Variants in CDH12 observed in about 807,000 individuals in gnomAD.
The protein encoded by CDH12 is cadherin-12.
In CDH12, 41 loss-of-function variants were observed where a neutral mutation model predicts 74.1. The observed-to-expected ratio is 0.55, with a 90% CI of 0.43 to 0.72. The LOEUF is 0.72. Among genes scored for constraint, CDH12 ranks in the 30% least tolerant of loss-of-function variants. The pLI is 0.00. For missense variants in CDH12, 945 were observed against 977.2 expected (o/e 0.97, Z 0.44); for synonymous variants, 399 against 355.0 (o/e 1.12, Z -1.39).
At chr5:21,863,329 C>T (rs1035813789) in intron 6 of CDH12, among the ~76,000 whole-genome samples, 1 of 152,104 alleles carries the variant, frequency 6.6e-6, no homozygotes. Context: ...CTTGTGTGAA[C>T]TCTTTCATTT....
intron 3 of CDH12, among the ~76,000 whole-genome samples, chr5:22,349,755 G>A (rs573196387): frequency 3.8e-4 from 58 of 151,864 alleles, no homozygotes; most frequent in African/African-American, 1.4e-3. Flanking sequence ...TTTTTTTTGA[G>A]ACGGAGTCTG....
chr5:22,159,640 T>G (rs115615831), intron 4 of CDH12, among the ~76,000 whole-genome samples: 179 of 152,302 alleles, frequency 1.2e-3, no homozygotes, highest in African/African-American at 4.2e-3. Context: ...TTGCACATAT[T>G]TAAATACTCA....
chr5:22,512,372 G>A (rs1241376312), intron 1 of CDH12, among the ~76,000 whole-genome samples: 4 of 152,132 alleles, frequency 2.6e-5, no homozygotes, highest in Admixed American at 2.6e-4. Flanking sequence ...TCACTGTGGG[G>A]TGGTGGTAAA....
At chr5:21,797,012 A>G (rs1476309157) in intron 10 of CDH12, among the ~76,000 whole-genome samples, 1 of 152,150 alleles carries the variant, frequency 6.6e-6, no homozygotes, top group Non-Finnish European at 1.5e-5. Context: ...CTAGTGCATC[A>G]AAAGGCGAAG....
intron 1 of CDH12, among the ~76,000 whole-genome samples, chr5:22,636,699 T>C (rs978204055): frequency 1.3e-5 from 2 of 152,218 alleles, no homozygotes; most frequent in African/African-American, 4.8e-5. Flanking sequence ...ATGGTTACTT[T>C]GGCAGAGGAA....
chr5:22,469,682 C>A (rs753790156), intron 2 of CDH12, among the ~76,000 whole-genome samples: 6 of 152,060 alleles, frequency 3.9e-5, no homozygotes, highest in African/African-American at 1.4e-4. Flanking sequence ...CAGTCATTTT[C>A]CAGTGTTATC....
intron 3 of CDH12, among the ~76,000 whole-genome samples, chr5:22,302,019 A>T (rs1242048258): frequency 6.6e-6 from 1 of 151,486 alleles, no homozygotes; most frequent in Non-Finnish European, 1.5e-5. Context: ...GGAGAGAGAG[A>T]GAGAGAGAGA....
intron 1 of CDH12, among the ~76,000 whole-genome samples, chr5:22,592,080 A>G (rs1001568788): frequency 6.6e-6 from 1 of 152,136 alleles, no homozygotes; most frequent in African/African-American, 2.4e-5. Context: ...TAAGCATTTC[A>G]CTTCTTGGAT....
chr5:22,529,186 TATAGAG>T (rs1212980101), intron 1 of CDH12, among the ~76,000 whole-genome samples: 4,207 of 69,510 alleles, frequency 0.061, 134 homozygotes, highest in East Asian at 0.17. Flanking sequence ...TATATATATA[TATAGAG>T]AGAGAGAGAG....
At chr5:22,844,011 T>C (rs1169664500) in intron 1 of CDH12, among the ~76,000 whole-genome samples, 1 of 152,056 alleles carries the variant, frequency 6.6e-6, no homozygotes, top group East Asian at 1.9e-4. Flanking sequence ...AATGGGAGTA[T>C]AATTATAAGG....
At chr5:22,705,130 T>TACATATAC (rs1554060408) in intron 1 of CDH12, among the ~76,000 whole-genome samples, 2 of 125,546 alleles carry the variant, frequency 1.6e-5, no homozygotes, top group Admixed American at 1.7e-4. Flanking sequence ...TATATATATA[T>TACATATAC]ACACACACAC....
intron 3 of CDH12, among the ~76,000 whole-genome samples, chr5:22,330,866 G>T (rs180832668): frequency 9.1e-4 from 139 of 152,130 alleles, no homozygotes; most frequent in African/African-American, 3.3e-3. Context: ...CTTGAGTCCA[G>T]GCATAGGCTC....
intron 4 of CDH12, among the ~76,000 whole-genome samples, chr5:22,203,984 A>G (rs968369841): frequency 2.5e-4 from 38 of 152,328 alleles, no homozygotes; most frequent in African/African-American, 8.7e-4. Flanking sequence ...ATCAAAATAA[A>G]AAGATTATTC....
chr5:22,041,634 C>A lies in CDH12; in HGVS notation c.231+36812G>T, dbSNP rs531366713. On this transcript the variant is annotated intron_variant, in intron 5 of 14. Coordinates refer to ENST00000382254, the MANE Select transcript of CDH12 (RefSeq NM_004061.5). ...AGAAGATGTAACAATTATATATGCACCTAACATCAGAGTGCCTAAATATAT... is the reference window on the plus strand; with the variant it reads ...AGAAGATGTAACAATTATATATGCAACTAACATCAGAGTGCCTAAATATAT... Among the ~76,000 whole-genome samples, 11 of 152,096 alleles carry A rather than the reference C, an allele frequency of 7.2e-5. No individual in the cohort carries two copies. The East Asian group carries it at 1.7e-3, about 24-fold the overall frequency.
intron 4 of CDH12, among the ~76,000 whole-genome samples, chr5:22,102,899 T>C (rs896455886): frequency 2.0e-5 from 3 of 152,008 alleles, no homozygotes; most frequent in African/African-American, 7.2e-5. Context: ...TCAGATGCCA[T>C]GAAATGAGCT....
chr5:22,194,821 A>T (rs1750530366), intron 4 of CDH12, among the ~76,000 whole-genome samples: 1 of 152,190 alleles, frequency 6.6e-6, no homozygotes, highest in Non-Finnish European at 1.5e-5. Flanking sequence ...TTTCACCCAG[A>T]GGAGCTGTGA....
At chr5:22,134,464 T>C (rs1266914300) in intron 4 of CDH12, among the ~76,000 whole-genome samples, 1 of 151,876 alleles carries the variant, frequency 6.6e-6, no homozygotes, top group Non-Finnish European at 1.5e-5. Flanking sequence ...AGGAATGTGA[T>C]AGGAACTTTT....
chr5:21,893,551 T>C (rs1221427431), intron 6 of CDH12, among the ~76,000 whole-genome samples: 3 of 152,192 alleles, frequency 2.0e-5, no homozygotes, highest in Non-Finnish European at 4.4e-5. Context: ...ATTTTTAGTG[T>C]AGTACCCCAA....
At chr5:21,754,344 G>T (rs1189615094) in intron 14 of CDH12, among the ~76,000 whole-genome samples, 1 of 152,124 alleles carries the variant, frequency 6.6e-6, no homozygotes, top group Non-Finnish European at 1.5e-5. Context: ...GAGAAGAGAG[G>T]CATATGAGAG....
Sources: allele counts gnomAD v4.1 joint callset (sites outside exome capture counted in the v4.1 genomes callset), GRCh38; gene constraint gnomAD v4.1.1; transcripts MANE v1.5; gene names NCBI Gene and HGNC (gene_info 2026-07-23, HGNC 2026-07-21).